Variants in POU6F2 observed in about 807,000 individuals in gnomAD.
The protein encoded by POU6F2 is POU class 6 homeobox 2, also known as POU domain, class 6, transcription factor 2.
Under a neutral mutation model 71.3 loss-of-function variants are expected in POU6F2, and 31 were observed. That is an observed-to-expected ratio of 0.43 (90% CI 0.33 to 0.59). The LOEUF (loss-of-function observed/expected upper bound fraction) is 0.59, where lower values mean the gene tolerates loss of function less well. Ranked by LOEUF, POU6F2 falls within the 20% of genes least tolerant of loss-of-function variation. The pLI, the probability that POU6F2 is intolerant of heterozygous loss-of-function variation, is 0.04. For missense variants in POU6F2, 783 were observed against 856.8 expected, an observed-to-expected ratio of 0.91 and a Z score of 1.07; for synonymous variants, 347 against 355.7, an observed-to-expected ratio of 0.98 and a Z score of 0.27.
intron 2 of POU6F2, among the ~76,000 whole-genome samples, chr7:39,131,468 C>G (rs1792277968): frequency 6.6e-6 from 1 of 152,224 alleles, no homozygotes; most frequent in Non-Finnish European, 1.5e-5. Context: ...GCTGCTGGTC[C>G]TCGCTGCCAT....
At chr7:39,222,444 G>A (rs1290470818) in intron 4 of POU6F2, among the ~76,000 whole-genome samples, 1 of 152,140 alleles carries the variant, frequency 6.6e-6, no homozygotes, top group African/African-American at 2.4e-5. Flanking sequence ...ATTTTTAAGT[G>A]TACAGTTCTG....
At chr7:39,098,237 G>A (rs1290804185) in intron 2 of POU6F2, among the ~76,000 whole-genome samples, 1 of 151,578 alleles carries the variant, frequency 6.6e-6, no homozygotes, top group East Asian at 1.9e-4. Context: ...TCTCTCAGAA[G>A]CCAATACATT....
At chr7:39,305,646 G>A (rs896692502) in intron 4 of POU6F2, among the ~76,000 whole-genome samples, 5 of 152,182 alleles carry the variant, frequency 3.3e-5, no homozygotes, top group African/African-American at 1.2e-4. Context: ...TGCATGGGAG[G>A]ACTTCTGTAG....
intron 1 of POU6F2, among the ~76,000 whole-genome samples, chr7:38,986,248 G>T (rs1323250777): frequency 6.6e-6 from 1 of 152,090 alleles, no homozygotes; most frequent in African/African-American, 2.4e-5. Flanking sequence ...GTTTTGAGAT[G>T]AGGTCTTGCC....
chr7:39,066,647 A>G (rs1790759797), intron 1 of POU6F2, among the ~76,000 whole-genome samples: 1 of 151,352 alleles, frequency 6.6e-6, no homozygotes. Flanking sequence ...GATAATAATA[A>G]AATAAAATTT....
intron 2 of POU6F2, among the ~76,000 whole-genome samples, chr7:39,104,254 G>A (rs1458909748): frequency 6.6e-6 from 1 of 152,236 alleles, no homozygotes; most frequent in Non-Finnish European, 1.5e-5. Flanking sequence ...ACCCACTCCA[G>A]AACACAGAGG....
intron 8 of POU6F2, among the ~76,000 whole-genome samples, chr7:39,454,699 T>G (rs868050876): frequency 0.09 from 4,076 of 45,170 alleles, 839 homozygotes; most frequent in African/African-American, 0.26. Flanking sequence ...TATATATATA[T>G]ATATATATAT....
intron 1 of POU6F2, among the ~76,000 whole-genome samples, chr7:38,994,158 T>C (rs1290401555): frequency 6.6e-6 from 1 of 152,206 alleles, no homozygotes; most frequent in African/African-American, 2.4e-5. Flanking sequence ...GCAAGAGTGC[T>C]ACCTGATGTG....
rs576263653 is a variant in POU6F2 at position 39,236,919 on chromosome 7, G to A, written c.598+29299G>A. ...AACCACATGCTATCAAACATGAATA[G>A]GAAGATCTTGGCTTTTGTGATTTGG... On this transcript the variant is annotated intron_variant, in intron 4 of 9. Coordinates refer to ENST00000518318, the MANE Select transcript of POU6F2 (RefSeq NM_001370959.1). Among the ~76,000 whole-genome samples, 19 of 152,236 alleles carry A rather than the reference G, an allele frequency of 1.2e-4. No homozygotes were observed. The South Asian group carries it at 2.3e-3, about 18-fold the overall frequency.
intron 1 of POU6F2, chr7:39,085,022 A>ATAAT (rs1287235065): frequency 1.3e-5 from 2 of 152,328 alleles, no homozygotes; most frequent in South Asian, 4.1e-4. Flanking sequence ...GCAGATCTAA[A>ATAAT]TAATTAGGGG....
chr7:39,464,377 T>C lies in POU6F2; in HGVS notation c.1854T>C (p.His618=), dbSNP rs1789019793. The C allele has an allele frequency of 1.2e-6, 2 of 1,613,870 alleles. No homozygotes were observed. The highest frequency in any genetic ancestry group is 1.7e-6 in the Non-Finnish European group (2 of 1,179,894). ...ERWMAEAEAR[H]RAGMQNLTEF... ...GGATGGCTGAGGCTGAGGCCCGCCA[T>C]CGAGCAGGTATGCAGAACCTGACCG... is the stretch of plus-strand genomic sequence containing the variant. The change falls in exon 10 of 10, where the codon CAT becomes CAC. Residue 618 remains histidine, a synonymous_variant. Coordinates refer to ENST00000518318, the MANE Select transcript of POU6F2 (RefSeq NM_001370959.1). This position sits in a 1 kb window ranked among gnomAD's most constrained non-coding sequence, Gnocchi z 4.1.
At chr7:39,367,860 G>T (rs967499289) in intron 5 of POU6F2, among the ~76,000 whole-genome samples, 1 of 152,160 alleles carries the variant, frequency 6.6e-6, no homozygotes, top group Non-Finnish European at 1.5e-5. Context: ...ATGGTGATCT[G>T]TGGGCAGTGA....
rs968299775 is a variant in POU6F2 at position 39,362,804 on chromosome 7, G to A, written c.972+22789G>A. ...TCTTTGATGTAGGTTAATCAGAGAC[G>A]ACATCTCTCCTGGGACCAGCAGAAA... On this transcript the variant is annotated intron_variant, in intron 5 of 9. Transcript: ENST00000518318. 7.2e-5 allele frequency among the ~76,000 whole-genome samples: 11 copies of A among 152,154 alleles called. 1 individual carries two copies. The highest frequency in any genetic ancestry group is 1.0e-4 in the Non-Finnish European group (7 of 68,032).
intron 1 of POU6F2, among the ~76,000 whole-genome samples, chr7:39,005,589 G>T (rs913673439): frequency 6.7e-6 from 1 of 150,184 alleles, no homozygotes; most frequent in Non-Finnish European, 1.5e-5. Flanking sequence ...GTTGATAGCC[G>T]CACGCTATCT....
intron 1 of POU6F2, among the ~76,000 whole-genome samples, chr7:39,016,057 T>TATATATGATATATAGATATATATC (rs1562671326): frequency 0.021 from 812 of 37,910 alleles, 50 homozygotes; most frequent in Non-Finnish European, 0.035. Context: ...TTATATATAT[T>TATATATGATATATAGATATATATC]ATATATAATA....
At chr7:39,012,570 A>G (rs992184621) in intron 1 of POU6F2, among the ~76,000 whole-genome samples, 12 of 151,874 alleles carry the variant, frequency 7.9e-5, no homozygotes, top group Non-Finnish European at 1.3e-4. Context: ...CTGGTGAGGA[A>G]CTGTGTTCCT....
chr7:39,291,463 AG>A (rs1250030943), intron 4 of POU6F2, among the ~76,000 whole-genome samples: 1 of 152,216 alleles, frequency 6.6e-6, no homozygotes, highest in African/African-American at 2.4e-5. Flanking sequence ...TGAGATGCAA[AG>A]ATATTGCCAC....
intron 4 of POU6F2, among the ~76,000 whole-genome samples, chr7:39,263,108 A>G (rs1784170227): frequency 2.0e-5 from 3 of 152,224 alleles, no homozygotes; most frequent in South Asian, 4.1e-4. Context: ...GCTTTTTATT[A>G]TTATAAAGAC....
intron 6 of POU6F2, among the ~76,000 whole-genome samples, chr7:39,412,090 A>C (rs958898423): frequency 2.6e-5 from 4 of 152,240 alleles, no homozygotes; most frequent in African/African-American, 9.6e-5. Context: ...GTCACTTCTT[A>C]GTTGTGTGGA....
Sources: allele counts gnomAD v4.1 joint callset (sites outside exome capture counted in the v4.1 genomes callset), GRCh38; gene constraint gnomAD v4.1.1; non-coding constraint Gnocchi (gnomAD v3.1); transcripts MANE v1.5; gene names NCBI Gene and HGNC (gene_info 2026-07-23, HGNC 2026-07-21).